The following FRY variants were observed in gnomAD, a reference collection of about 807,000 sequenced individuals.
FRY encodes FRY microtubule binding protein.
A neutral mutation model predicts 348.4 loss-of-function variants in FRY; 128 were observed. That is an observed-to-expected ratio of 0.37 (90% CI 0.32 to 0.43). The LOEUF is 0.43. Ranked by LOEUF, FRY falls within the 20% of genes least tolerant of loss-of-function variation. The pLI, the probability that FRY is intolerant of heterozygous loss-of-function variation, is 1.00. For missense variants in FRY, 2,736 were observed against 3,695.2 expected (o/e 0.74, Z 6.73); for synonymous variants, 1,370 against 1,374.7 (o/e 1.00, Z 0.08).
At position 32,178,034 on chromosome 13, in the gene FRY, G is replaced by T. The variant is rs529639021; in HGVS notation, c.2422-143G>T. 4.0e-5 allele frequency: 32 copies of T among 802,178 alleles called. No individual in the cohort carries two copies. The African/African-American group carries it at 5.4e-4, about 14-fold the overall frequency. The allele number at this position is 802,178 out of a possible 1,614,324, so 49.7% of individuals were successfully genotyped here. ...CACACCAAGGTCAAATGTGGTAGGTGCAGGATTGGTGTTTCAGATTCAAAG... is the reference window on the plus strand; with the variant it reads ...CACACCAAGGTCAAATGTGGTAGGTTCAGGATTGGTGTTTCAGATTCAAAG... On this transcript the variant is annotated intron_variant, in intron 20 of 60. Coordinates refer to ENST00000542859, the MANE Select transcript of FRY (RefSeq NM_023037.3).
rs6144991 is a variant in FRY at position 32,286,747 on chromosome 13, CAAAAAAAAAAAAAAAAAA to C, written c.8470-2866_8470-2849del. On this transcript the variant is annotated intron_variant, in intron 58 of 60. Transcript: ENST00000542859. ...GGGGAGACAGAGCAAGACTCTGTCTCAAAAAAAAAAAAAAAAAAAAAAAAAAAAAAAAAAAAAGATGGT... is the reference window on the plus strand; with the variant it reads ...GGGGAGACAGAGCAAGACTCTGTCTCAAAAAAAAAAAAAAAAAAAGATGGT... 2.2e-4 allele frequency among the ~76,000 whole-genome samples: 17 copies of C among 77,512 alleles called. No homozygotes were observed. The East Asian group carries it at 7.3e-3, about 33-fold the overall frequency. 50.9% of individuals were successfully genotyped at this position (77,512 alleles called of 152,430 possible). A position where few individuals can be genotyped will look rare whatever the true frequency, so the allele number is the denominator to read the frequency against.
chr13:32,230,920 CT>C (rs879424101), intron 40 of FRY, among the ~76,000 whole-genome samples: 1 of 152,078 alleles, frequency 6.6e-6, no homozygotes, highest in Non-Finnish European at 1.5e-5. Flanking sequence ...TGATGTTGAG[CT>C]TTTTTTATAT....
At chr13:32,198,467 T>A (rs560656176) in intron 29 of FRY, among the ~76,000 whole-genome samples, 1 of 152,330 alleles carries the variant, frequency 6.6e-6, no homozygotes, top group South Asian at 2.1e-4. Context: ...TCACTGGCTA[T>A]GAAATGCACT....
chr13:32,175,125 T>C (rs1882294463), intron 19 of FRY, among the ~76,000 whole-genome samples: 1 of 152,178 alleles, frequency 6.6e-6, no homozygotes, highest in African/African-American at 2.4e-5. Context: ...AGTAAACAAT[T>C]TATCAGTTAT....
chr13:32,166,055 T>C (rs1013892124), intron 17 of FRY, among the ~76,000 whole-genome samples: 1 of 152,096 alleles, frequency 6.6e-6, no homozygotes, highest in African/African-American at 2.4e-5. Flanking sequence ...ACGTGAGCAG[T>C]GAGAATCATG....
At chr13:32,104,231 A>G (rs1017930759) in intron 3 of FRY, among the ~76,000 whole-genome samples, 2 of 152,236 alleles carry the variant, frequency 1.3e-5, no homozygotes, top group Non-Finnish European at 2.9e-5. Context: ...TGGAAAAGAC[A>G]TGACCTTTGG....
intron 47 of FRY, 74 bp downstream of exon 47, chr13:32,244,256 C>CAGG: frequency 1.4e-6 from 2 of 1,386,092 alleles, no homozygotes; most frequent in Non-Finnish European, 2.0e-6. Flanking sequence ...AGCTTGGCTA[C>CAGG]AAAACCATCT....
rs143583661 is a variant in FRY, at chr13:32,254,425, C to T, written c.7416+31C>T. 2.2e-4 allele frequency: 355 copies of T among 1,583,594 alleles called. No individual in the cohort carries two copies. In the African/African-American group the frequency reaches 3.7e-3, roughly 17 times the overall value. On this transcript the variant is annotated intron_variant, in intron 51 of 60. Coordinates refer to ENST00000542859, the MANE Select transcript of FRY (RefSeq NM_023037.3). ...GTGTATTCTCTGTAAAAATAATCCC[C>T]GCACCCTTTTCCTTGACTAATGAAA...
At chr13:32,062,926 A>G (rs1447772396) in intron 1 of FRY, among the ~76,000 whole-genome samples, 1 of 151,656 alleles carries the variant, frequency 6.6e-6, no homozygotes, top group Non-Finnish European at 1.5e-5. Context: ...ATATGCATAT[A>G]TATGCATATG....
chr13:32,297,853 C>T lies in FRY; in HGVS notation c.*2393C>T, dbSNP rs938835568. On this transcript the variant is annotated 3_prime_UTR_variant, in exon 61 of 61. Transcript: ENST00000542859. ...GGAAAGGGTAGATATTTAACAGATG[C>T]CTCAGTGATAAGAAAGATGCCTCCT... 1 of 152,182 alleles carries T rather than the reference C, an allele frequency of 6.6e-6. No homozygotes were observed. The highest frequency in any genetic ancestry group is 1.5e-5 in the Non-Finnish European group (1 of 68,046). The allele number at this position is 152,182 out of a possible 1,614,324, so 9.4% of individuals were successfully genotyped here.
intron 31 of FRY, among the ~76,000 whole-genome samples, chr13:32,206,675 C>G (rs1884369160): frequency 6.6e-6 from 1 of 152,194 alleles, no homozygotes; most frequent in Non-Finnish European, 1.5e-5. Flanking sequence ...AGATCAGAGG[C>G]TCCTATGAGT....
chr13:32,257,080 A>G (rs1887377685), intron 51 of FRY, among the ~76,000 whole-genome samples: 2 of 152,358 alleles, frequency 1.3e-5, no homozygotes, highest in Middle Eastern at 3.4e-3. Flanking sequence ...TCCCCAAGAT[A>G]TCTCATTATG....
At chr13:32,265,423 G>GTC in intron 53 of FRY, 27 bp from the exon 54 acceptor site, 2 of 1,611,656 alleles carry the variant, frequency 1.2e-6, no homozygotes, top group Non-Finnish European at 1.7e-6. Context: ...CACATTGGGG[G>GTC]ATTCTTTTGT....
intron 2 of FRY, among the ~76,000 whole-genome samples, chr13:32,095,120 A>G (rs1053030585): frequency 6.6e-6 from 1 of 152,072 alleles, no homozygotes; most frequent in Non-Finnish European, 1.5e-5. Flanking sequence ...AGCACCTTTC[A>G]TATTCATGTT....
rs529278287 is a variant in FRY at position 32,227,589 on chromosome 13, G to A, written c.5207-867G>A. Among the ~76,000 whole-genome samples the A allele has an allele frequency of 2.2e-4, 33 of 152,256 alleles. 1 individual carries two copies. In the South Asian group the frequency reaches 6.8e-3, roughly 32 times the overall value. On this transcript the variant is annotated intron_variant, in intron 39 of 60. Coordinates refer to ENST00000542859, the MANE Select transcript of FRY (RefSeq NM_023037.3). ...AGTATATAATGAAGAAACAGTATTTGCTTATGCCATATTTCTTTGAATACC... is the reference window on the plus strand; with the variant it reads ...AGTATATAATGAAGAAACAGTATTTACTTATGCCATATTTCTTTGAATACC...
chr13:32,148,370 A>C (rs1449180110), intron 13 of FRY, among the ~76,000 whole-genome samples: 2 of 152,250 alleles, frequency 1.3e-5, no homozygotes, highest in East Asian at 3.8e-4. Flanking sequence ...ATGTTCTTTC[A>C]ACCTATGAAA....
intron 25 of FRY, 77 bp from the exon 26 acceptor site, chr13:32,184,899 A>G: frequency 1.5e-5 from 19 of 1,265,188 alleles, no homozygotes; most frequent in Non-Finnish European, 2.2e-5. Context: ...GTGACAGTGA[A>G]TCTTAGTTTT....
Position 32,217,416 on chromosome 13 carries a change from T to C in FRY, c.4683-1333T>C, listed in dbSNP as rs565193849. On this transcript the variant is annotated intron_variant, in intron 35 of 60. Coordinates refer to ENST00000542859, the MANE Select transcript of FRY (RefSeq NM_023037.3). ...TTGATTTCTTTCTAGAAATCCTAGA[T>C]AGAAGCATAATAACTAATACCTTAT... 1.9e-3 allele frequency among the ~76,000 whole-genome samples: 283 copies of C among 152,270 alleles called. 1 individual carries two copies. The highest frequency in any genetic ancestry group is 6.3e-3 in the African/African-American group (260 of 41,568).
chr13:32,254,145 G>C, intron 50 of FRY, 79 bp from the exon 51 acceptor site: 1 of 1,305,986 alleles, frequency 7.7e-7, no homozygotes, highest in Non-Finnish European at 1.1e-6. Flanking sequence ...ACGGTGCTAT[G>C]AAGAGCCAAT....
Sources: gnomAD v4.1 joint callset for allele counts (sites outside exome capture counted in the v4.1 genomes callset) on GRCh38, gnomAD v4.1.1 for gene constraint, MANE v1.5 for transcripts, NCBI Gene and HGNC (gene_info 2026-07-23, HGNC 2026-07-21) for gene names.